Variants in EMG1 observed in about 807,000 individuals in gnomAD.
EMG1 encodes EMG1 N1-specific pseudouridine methyltransferase.
A neutral mutation model predicts 26.9 loss-of-function variants in EMG1; 24 were observed. The ratio of observed to expected loss-of-function variants is 0.89; its 90% CI spans 0.65 to 1.26. The LOEUF (loss-of-function observed/expected upper bound fraction) is 1.26. Among genes scored for constraint, EMG1 ranks in the 50% most tolerant of loss-of-function variants. The pLI is 0.00. For synonymous variants in EMG1, 140 were observed against 112.6 expected, an observed-to-expected ratio of 1.24 and a Z score of -1.54; for missense variants, 299 against 307.6, an observed-to-expected ratio of 0.97 and a Z score of 0.21.
chr12:6,979,655 G>C lies in EMG1; in HGVS notation c.*3846G>C. The C allele has an allele frequency of 9.8e-7, 1 of 1,024,130 alleles. No individual in the cohort carries two copies. The highest frequency in any genetic ancestry group is 1.5e-6 in the Non-Finnish European group (1 of 652,752). The allele number at this position is 1,024,130 out of a possible 1,614,324, so 63.4% of individuals were successfully genotyped here. A position where few individuals can be genotyped will look rare whatever the true frequency, so the allele number is the denominator to read the frequency against. ...CTTCACCCTCTGACCTTCAGTTATG[G>C]AGAGGAGTGTTTAGGGGTGTGGTTG... On this transcript the variant is annotated 3_prime_UTR_variant, in exon 6 of 6. Coordinates refer to ENST00000599672, the MANE Select transcript of EMG1 (RefSeq NM_006331.8).
At chr12:6,997,367 C>T (rs1293364254) in exon 8 of EMG1, 1 of 141,432 alleles carries the variant, frequency 7.1e-6, no homozygotes, top group Non-Finnish European at 1.5e-5. Context: ...GCCCCCAAAA[C>T]AACAGCAAAT....
downstream of EMG1, chr12:6,980,941 G>A (rs781873384): frequency 2.7e-6 from 4 of 1,470,490 alleles, no homozygotes; most frequent in African/African-American, 4.3e-5. Context: ...GCAGCTTTCA[G>A]AAGAGTCACT....
At chr12:6,981,692 G>T, downstream of EMG1, 2 of 879,168 alleles carry the variant, frequency 2.3e-6, no homozygotes, top group Non-Finnish European at 3.6e-6. Flanking sequence ...GATGTGGCCT[G>T]TAGACTGAGT....
rs967137791 is a variant in EMG1, at chr12:6,977,003, C to A, written c.*1194C>A. ...TCAATAAGTCACAGTAGTCATTGCC[C>A]ATACTGTGTTCCTTAGTAGCCAGGC... is the stretch of plus-strand genomic sequence containing the variant. On this transcript the variant is annotated 3_prime_UTR_variant, in exon 6 of 6. Transcript: ENST00000599672. This position sits in a 1 kb window ranked among gnomAD's most constrained non-coding sequence, Gnocchi z 4.5. 11 of 668,360 alleles carry A rather than the reference C, an allele frequency of 1.6e-5. No homozygotes were observed. Among genetic ancestry groups the A allele is most frequent in the Non-Finnish European group, 2.7e-5 (10 of 371,264 alleles). The allele number at this position is 668,360 out of a possible 1,614,324, so 41.4% of individuals were successfully genotyped here.
At position 6,987,046 on chromosome 12, in the gene EMG1, G is replaced by C. The variant is rs1393626568; in HGVS notation, c.*155-736G>C. 1.3e-5 allele frequency among the ~76,000 whole-genome samples: 2 copies of C among 152,000 alleles called. No individual in the cohort carries two copies. Among genetic ancestry groups the C allele is most frequent in the Non-Finnish European group, 2.9e-5 (2 of 68,028 alleles). On this transcript the variant is annotated intron_variant and NMD_transcript_variant, in intron 6 of 7. Coordinates refer to the EMG1 transcript ENST00000261406. The surrounding 1 kb of genome is among the most constrained non-coding windows in gnomAD (Gnocchi z 4.1). ...GAGAATTGCTTGAACCCAGGAGGCG[G>C]AGGTGGCAGTGAGCTGAGATCACGC...
chr12:6,973,293 A>C (rs1946354896), intron 1 of EMG1, among the ~76,000 whole-genome samples: 1 of 151,914 alleles, frequency 6.6e-6, no homozygotes, highest in South Asian at 2.1e-4. Flanking sequence ...TTAGCCTCCC[A>C]AGTAGCTAGG....
At chr12:6,973,709 A>G (rs1482253741) in intron 1 of EMG1, among the ~76,000 whole-genome samples, 2 of 150,834 alleles carry the variant, frequency 1.3e-5, no homozygotes, top group African/African-American at 4.9e-5. Flanking sequence ...TGCCCGGCTA[A>G]TTTTTTATAT....
rs782118451 is a variant in EMG1 at position 6,970,942 on chromosome 12, G to C, written c.19G>C (p.Gly7Arg). 1.2e-6 allele frequency: 2 copies of C among 1,613,154 alleles called. No individual in the cohort carries two copies. Among genetic ancestry groups the C allele is most frequent in the South Asian group, 2.2e-5 (2 of 90,856 alleles). MAAPSD[G>R]FKPRERSGGE... ...TTGCAAGATGGCCGCGCCCAGTGAT[G>C]GATTCAAGCCTCGTGAACGAAGCGG... Residue 7 changes from glycine to arginine, a missense_variant, in exon 1 of 6, where the codon GGA becomes CGA. Coordinates refer to ENST00000599672, the MANE Select transcript of EMG1 (RefSeq NM_006331.8).
downstream of EMG1, chr12:6,982,562 G>T: frequency 1.4e-6 from 1 of 737,622 alleles, no homozygotes. Flanking sequence ...GCTAAGTGCT[G>T]GGAGAGGGGT....
chr12:6,982,584 T>G, downstream of EMG1: 1 of 898,256 alleles, frequency 1.1e-6, no homozygotes, highest in Non-Finnish European at 1.8e-6. Context: ...AGAAATTAGG[T>G]CTGCTAATTT....
chr12:6,993,130 A>G (rs782328691), downstream of EMG1, among the ~76,000 whole-genome samples: 4 of 152,216 alleles, frequency 2.6e-5, no homozygotes, highest in South Asian at 8.3e-4. Context: ...GTAAAATGTA[A>G]TGTTTTTTAG....
In EMG1 at chr12:6,979,871, G is replaced by A. The variant is rs1315672938; in HGVS notation, c.*4062G>A. 6.0e-5 allele frequency: 22 copies of A among 366,044 alleles called. No individual in the cohort carries two copies. The highest frequency in any genetic ancestry group is 3.1e-4 in the African/African-American group (15 of 48,348). 22.7% of individuals were successfully genotyped at this position (366,044 alleles called of 1,614,324 possible). On this transcript the variant is annotated 3_prime_UTR_variant, in exon 6 of 6. Coordinates refer to ENST00000599672, the MANE Select transcript of EMG1 (RefSeq NM_006331.8). The stretch of plus-strand genomic sequence containing the variant: ...GCTACTGATCTCAAGGTCTTGCCAG[G>A]TCTCACAATCTCCATTGGGACTGAA...
intron 3 of EMG1, 150 bp downstream of exon 3, chr12:6,974,843 A>G (rs989289956): frequency 2.9e-5 from 28 of 959,976 alleles, no homozygotes; most frequent in Middle Eastern, 2.5e-4. Context: ...TTATTTTTCT[A>G]TGTTTGTGGA....
At position 6,977,460 on chromosome 12, in the gene EMG1, G is replaced by T. The variant is rs1555153410; in HGVS notation, c.*1651G>T. ...TGGTCTGTTGCACCAAATAGTAGAA[G>T]GGCTGGAGGACAGTAATGGCGGCCA... is the stretch of plus-strand genomic sequence containing the variant. On this transcript the variant is annotated 3_prime_UTR_variant, in exon 6 of 6. Transcript: ENST00000599672. This position sits in a 1 kb window ranked among gnomAD's most constrained non-coding sequence, Gnocchi z 4.5. 6.2e-7 allele frequency: 1 copy of T among 1,614,224 alleles called. No individual in the cohort carries two copies. The highest frequency in any genetic ancestry group is 8.5e-7 in the Non-Finnish European group (1 of 1,180,040).
chr12:6,983,400 T>C (rs782307218), downstream of EMG1: 10 of 1,418,596 alleles, frequency 7.0e-6, no homozygotes, highest in South Asian at 2.3e-5. Flanking sequence ...TTCCCACTAA[T>C]TGCGGTGTCA....
downstream of EMG1, among the ~76,000 whole-genome samples, chr12:6,989,726 A>C (rs1946569807): frequency 6.6e-6 from 1 of 152,138 alleles, no homozygotes; most frequent in Non-Finnish European, 1.5e-5. Flanking sequence ...CTCAGTTCCA[A>C]GTGCTGTTTG....
Position 6,977,930 on chromosome 12 carries a change from G to T in EMG1, c.*2121G>T. The T allele has an allele frequency of 1.5e-6, 1 of 672,154 alleles. No homozygotes were observed. The highest frequency in any genetic ancestry group is 2.5e-6 in the Non-Finnish European group (1 of 403,146). 41.6% of individuals were successfully genotyped at this position (672,154 alleles called of 1,614,324 possible). A position where few individuals can be genotyped will look rare whatever the true frequency, so the allele number is the denominator to read the frequency against. On this transcript the variant is annotated 3_prime_UTR_variant, in exon 6 of 6. Coordinates refer to ENST00000599672, the MANE Select transcript of EMG1 (RefSeq NM_006331.8). The surrounding 1 kb of genome is among the most constrained non-coding windows in gnomAD (Gnocchi z 4.5). ...AGAGATGGAAAGCAGACCCAAGGCG[G>T]AGCTGGAGACCGTGTGCGCACGAGC...
intron 1 of EMG1, 93 bp from the exon 2 acceptor site, chr12:6,974,246 T>A: frequency 1.1e-6 from 1 of 884,126 alleles, no homozygotes; most frequent in Non-Finnish European, 1.8e-6. Flanking sequence ...CAGGTGCAGC[T>A]GCTGCTGGTA....
At chr12:6,989,311 G>A (rs1225171252), downstream of EMG1, among the ~76,000 whole-genome samples, 1 of 143,752 alleles carries the variant, frequency 7.0e-6, no homozygotes, top group African/African-American at 2.7e-5. Flanking sequence ...TTCAAAATGC[G>A]TGTTTTTTTT....
Sources: gnomAD v4.1 joint callset for allele counts (sites outside exome capture counted in the v4.1 genomes callset) on GRCh38, gnomAD v4.1.1 for gene constraint, Gnocchi (gnomAD v3.1) non-coding constraint, MANE v1.5 for transcripts, NCBI Gene and HGNC (gene_info 2026-07-23, HGNC 2026-07-21) for gene names.